Variants in YEATS4 observed in about 807,000 individuals in gnomAD.
YEATS4 encodes YEATS domain containing 4, also known as YEATS domain-containing protein 4.
YEATS4 carries 17 observed loss-of-function variants against 30.1 expected under a neutral mutation model. The ratio of observed to expected loss-of-function variants is 0.56; its 90% CI spans 0.39 to 0.85. The LOEUF is 0.85. YEATS4 is among the 40% of genes least tolerant of loss of function. The pLI, the probability that YEATS4 is intolerant of heterozygous loss-of-function variation, is 0.00. For missense variants in YEATS4, 142 were observed against 268.3 expected, an observed-to-expected ratio of 0.53 and a Z score of 3.29; for synonymous variants, 85 against 87.5, an observed-to-expected ratio of 0.97 and a Z score of 0.16.
intron 6 of YEATS4, among the ~76,000 whole-genome samples, chr12:69,386,487 A>G (rs1283325881): frequency 6.6e-6 from 1 of 152,204 alleles, no homozygotes; most frequent in Non-Finnish European, 1.5e-5. Context: ...CCTCCTTCAT[A>G]AAACTCACCC....
Position 69,390,184 on chromosome 12 carries a change from A to C in YEATS4, c.552A>C (p.Glu184Asp). ...ELEVKTREKL[E>D]AAKKKTSFEI... ...AAGTGAAAACCAGAGAAAAATTAGA[A>C]GCTGCTAAGAAAAAAACAAGCTTTG... is the stretch of plus-strand genomic sequence containing the variant. The change falls in exon 7 of 7, where the codon GAA becomes GAC. Residue 184 changes from glutamate (E) to aspartate (D), a missense_variant. Coordinates refer to ENST00000247843, the MANE Select transcript of YEATS4 (RefSeq NM_006530.4). The C allele has an allele frequency of 4.4e-6, 7 of 1,593,624 alleles. No homozygotes were observed. The highest frequency in any genetic ancestry group is 2.6e-6 in the Non-Finnish European group (3 of 1,175,182).
the YEATS4 span, chr12:69,423,077 T>C: frequency 1.3e-5 from 2 of 152,140 alleles, no homozygotes; most frequent in Admixed American, 1.3e-4. Context: ...AAAGTAGACA[T>C]TGAGATCATC....
the YEATS4 span, among the ~76,000 whole-genome samples, chr12:69,405,129 G>A: frequency 6.6e-6 from 1 of 152,154 alleles, no homozygotes; most frequent in Admixed American, 6.6e-5. Context: ...CCACTTTCTG[G>A]ATACAAATAG....
intron 4 of YEATS4, among the ~76,000 whole-genome samples, chr12:69,368,441 A>G (rs977891324): frequency 1.3e-5 from 2 of 152,220 alleles, no homozygotes; most frequent in African/African-American, 4.8e-5. Context: ...TTTATTGCCT[A>G]TATCCGCATG....
the YEATS4 span, among the ~76,000 whole-genome samples, chr12:69,415,972 G>C: frequency 6.6e-6 from 1 of 152,186 alleles, no homozygotes; most frequent in South Asian, 2.1e-4. Flanking sequence ...ATTTTTGGAA[G>C]GTCAGTTCAC....
At chr12:69,426,878 A>C in the YEATS4 span, among the ~76,000 whole-genome samples, 1 of 152,238 alleles carries the variant, frequency 6.6e-6, no homozygotes, top group Non-Finnish European at 1.5e-5. Context: ...AATTGTCCTT[A>C]ATTTTAAACA....
chr12:69,359,752 C>T lies in YEATS4; in HGVS notation c.-221C>T. The T allele has an allele frequency of 1.8e-6, 1 of 555,650 alleles. No individual in the cohort carries two copies. Among genetic ancestry groups the T allele is most frequent in the Non-Finnish European group, 3.1e-6 (1 of 319,498 alleles). 34.4% of individuals were successfully genotyped at this position (555,650 alleles called of 1,614,324 possible). A position where few individuals can be genotyped will look rare whatever the true frequency, so the allele number is the denominator to read the frequency against. ...GGTGCGGCCGTCGCCCCTCTTTTCG[C>T]GGCGTTCTCCACCTGCGCGGGCCTG... On this transcript the variant is annotated 5_prime_UTR_variant, in exon 1 of 7. Transcript: ENST00000247843.
chr12:69,382,796 T>C (rs1246797623), intron 6 of YEATS4, among the ~76,000 whole-genome samples: 1 of 152,222 alleles, frequency 6.6e-6, no homozygotes, highest in Non-Finnish European at 1.5e-5. Context: ...ATTTTGGACC[T>C]GATTTGAAAA....
the YEATS4 span, among the ~76,000 whole-genome samples, chr12:69,415,312 C>T: frequency 3.9e-5 from 6 of 152,200 alleles, no homozygotes; most frequent in African/African-American, 1.4e-4. Context: ...TGGAGGCTCA[C>T]GCATGTAATC....
the YEATS4 span, among the ~76,000 whole-genome samples, chr12:69,412,978 G>A: frequency 6.6e-6 from 1 of 152,132 alleles, no homozygotes; most frequent in Non-Finnish European, 1.5e-5. Context: ...AGACCTAGAA[G>A]TGAGAAAGCA....
chr12:69,394,849 T>G (rs1376411186), downstream of YEATS4, among the ~76,000 whole-genome samples: 2 of 152,204 alleles, frequency 1.3e-5, no homozygotes, highest in Non-Finnish European at 2.9e-5. Context: ...CCCAAAATGC[T>G]GCGATTACAG....
chr12:69,375,278 G>T (rs986643337), intron 6 of YEATS4, among the ~76,000 whole-genome samples: 1 of 151,596 alleles, frequency 6.6e-6, no homozygotes, highest in African/African-American at 2.4e-5. Context: ...TCGCGGCCGG[G>T]CAGAGGCGCT....
chr12:69,393,644 GT>G (rs1167122346), downstream of YEATS4, among the ~76,000 whole-genome samples: 1 of 152,088 alleles, frequency 6.6e-6, no homozygotes, highest in Non-Finnish European at 1.5e-5. Flanking sequence ...AAATCATAAA[GT>G]TTTGGATCTC....
chr12:69,362,681 A>G, intron 1 of YEATS4, 107 bp from the exon 2 acceptor site: 1 of 820,202 alleles, frequency 1.2e-6, no homozygotes, highest in Non-Finnish European at 1.8e-6. Flanking sequence ...TAAGCAAACT[A>G]TAGATTGTTA....
the YEATS4 span, among the ~76,000 whole-genome samples, chr12:69,402,223 A>G: frequency 6.6e-6 from 1 of 152,182 alleles, no homozygotes; most frequent in Non-Finnish European, 1.5e-5. Context: ...AGCCTGTCTC[A>G]ATGCCAGGCA....
At chr12:69,402,723 TTC>T in the YEATS4 span, among the ~76,000 whole-genome samples, 5 of 130,894 alleles carry the variant, frequency 3.8e-5, no homozygotes, top group Non-Finnish European at 8.0e-5. Flanking sequence ...TTTCTTTCTT[TTC>T]TTTTTTTTTT....
chr12:69,397,958 C>CCT, the YEATS4 span, among the ~76,000 whole-genome samples: 2 of 152,048 alleles, frequency 1.3e-5, no homozygotes, highest in Non-Finnish European at 2.9e-5. Context: ...ATTAATAGAA[C>CCT]AAAGGACACA....
At chr12:69,384,962 C>T (rs1266662394) in intron 6 of YEATS4, among the ~76,000 whole-genome samples, 2 of 151,980 alleles carry the variant, frequency 1.3e-5, no homozygotes, top group Non-Finnish European at 2.9e-5. Flanking sequence ...TTTAAAAATG[C>T]AAACCAAACA....
At chr12:69,388,379 C>T (rs1273283763) in intron 6 of YEATS4, among the ~76,000 whole-genome samples, 1 of 152,124 alleles carries the variant, frequency 6.6e-6, no homozygotes, top group Non-Finnish European at 1.5e-5. Flanking sequence ...ATTGATGGAG[C>T]CTTAGAAATG....
Sources: allele counts gnomAD v4.1 joint callset (sites outside exome capture counted in the v4.1 genomes callset), GRCh38; gene constraint gnomAD v4.1.1; transcripts MANE v1.5; gene names NCBI Gene and HGNC (gene_info 2026-07-23, HGNC 2026-07-21).